Variants in LARGE1 observed in about 807,000 individuals in gnomAD.
LARGE1 encodes LARGE xylosyl- and glucuronyltransferase 1, also known as xylosyl- and glucuronyltransferase LARGE1.
LARGE1 carries 43 observed loss-of-function variants against 87.6 expected under a neutral mutation model. That is an observed-to-expected ratio of 0.49 (90% confidence interval 0.38 to 0.63). LARGE1 has a LOEUF of 0.63. LARGE1 is among the 30% of genes least tolerant of loss of function. LARGE1 has a pLI of 0.00. For synonymous variants in LARGE1, 434 were observed against 394.6 expected (o/e 1.10, Z -1.18); for missense variants, 802 against 1,000.2 (o/e 0.80, Z 2.67).
chr22:33,512,597 G>A (rs2071106898), intron 6 of LARGE1, among the ~76,000 whole-genome samples: 1 of 152,214 alleles, frequency 6.6e-6, no homozygotes, highest in African/African-American at 2.4e-5. Context: ...GAGGTCAGGA[G>A]TTCGAGACCA....
At chr22:33,502,349 G>C (rs908712774) in intron 6 of LARGE1, among the ~76,000 whole-genome samples, 1 of 152,148 alleles carries the variant, frequency 6.6e-6, no homozygotes, top group African/African-American at 2.4e-5. Context: ...GAAAGTTCCA[G>C]TACGAAGGAA....
intron 1 of LARGE1, among the ~76,000 whole-genome samples, chr22:33,818,043 A>C (rs1471857596): frequency 6.6e-6 from 1 of 152,170 alleles, no homozygotes; most frequent in African/African-American, 2.4e-5. Context: ...CAGATCCACA[A>C]CTAATTTAAC....
chr22:33,453,208 A>G (rs973206365), intron 6 of LARGE1, among the ~76,000 whole-genome samples: 1 of 152,266 alleles, frequency 6.6e-6, no homozygotes, highest in African/African-American at 2.4e-5. Context: ...TGAAGTCACG[A>G]GTTCGAGACC....
intron 10 of LARGE1, among the ~76,000 whole-genome samples, chr22:33,334,672 G>T (rs942098198): frequency 1.3e-5 from 2 of 152,176 alleles, no homozygotes; most frequent in Non-Finnish European, 2.9e-5. Flanking sequence ...GGGAGAGAGG[G>T]GAGAGAGACT....
intron 13 of LARGE1, among the ~76,000 whole-genome samples, chr22:33,279,989 A>C (rs1412182619): frequency 2.6e-5 from 4 of 152,226 alleles, no homozygotes; most frequent in Non-Finnish European, 4.4e-5. Context: ...TTTTGTGTCA[A>C]CTGGGGAAAA....
intron 4 of LARGE1, among the ~76,000 whole-genome samples, chr22:33,614,982 C>T (rs1378810540): frequency 6.6e-6 from 1 of 152,224 alleles, no homozygotes; most frequent in East Asian, 1.9e-4. Flanking sequence ...CTTCACCCCG[C>T]TAACTGCGTC....
intron 6 of LARGE1, among the ~76,000 whole-genome samples, chr22:33,506,709 T>C (rs1370994775): frequency 6.6e-6 from 1 of 152,160 alleles, no homozygotes; most frequent in Non-Finnish European, 1.5e-5. Context: ...GAGACCAGCC[T>C]GGCCAATATG....
intron 2 of LARGE1, among the ~76,000 whole-genome samples, chr22:33,722,201 C>T (rs769125544): frequency 2.0e-5 from 3 of 149,864 alleles, no homozygotes; most frequent in Non-Finnish European, 4.4e-5. Flanking sequence ...TGCAATGAGC[C>T]GAGATCACGC....
rs2145800956 is a variant in LARGE1 at position 33,274,469 on chromosome 22, G to A, written c.2229C>T (p.Gly743=). The A allele has an allele frequency of 6.2e-7, 1 of 1,614,222 alleles. No homozygotes were observed. The highest frequency in any genetic ancestry group is 8.5e-7 in the Non-Finnish European group (1 of 1,180,036). ...EFQQDMSRRY[G]FAALKYLTAE... ...CTGTGAGATATTTCAGGGCAGCAAA[G>A]CCGTAGCGGCGGGACATGTCCTGCT... The change falls in exon 15 of 15, where the codon GGC becomes GGT. Residue 743 remains glycine (G), a synonymous_variant. Transcript: ENST00000397394.
chr22:33,552,673 AT>A (rs1164642154), intron 6 of LARGE1, among the ~76,000 whole-genome samples: 1 of 152,230 alleles, frequency 6.6e-6, no homozygotes, highest in Non-Finnish European at 1.5e-5. Flanking sequence ...GCTAATAAAA[AT>A]AATCACAACA....
At chr22:33,268,950 A>T (rs980111859), downstream of LARGE1, among the ~76,000 whole-genome samples, 1 of 152,072 alleles carries the variant, frequency 6.6e-6, no homozygotes, top group Non-Finnish European at 1.5e-5. Flanking sequence ...ACATTAATAA[A>T]CTCAAAAAAT....
At chr22:33,080,416 C>T in the LARGE1 span, among the ~76,000 whole-genome samples, 45 of 152,288 alleles carry the variant, frequency 3.0e-4, no homozygotes, top group African/African-American at 9.6e-4. Context: ...CTGTCTTCAC[C>T]CCAGGATGCA....
At chr22:33,621,030 T>G (rs890255927) in intron 4 of LARGE1, among the ~76,000 whole-genome samples, 2 of 152,244 alleles carry the variant, frequency 1.3e-5, no homozygotes, top group African/African-American at 4.8e-5. Context: ...CCTGTATATG[T>G]GTACATGTCA....
At chr22:33,461,466 A>G (rs1412078422) in intron 6 of LARGE1, among the ~76,000 whole-genome samples, 2 of 151,994 alleles carry the variant, frequency 1.3e-5, no homozygotes, top group Non-Finnish European at 2.9e-5. Flanking sequence ...AAATGTTATG[A>G]CCTTTGGACA....
At chr22:33,149,600 A>T in the LARGE1 span, among the ~76,000 whole-genome samples, 7 of 152,138 alleles carry the variant, frequency 4.6e-5, no homozygotes, top group Admixed American at 1.3e-4. Context: ...TTATTTTTTC[A>T]GTTCTGTAGG....
intron 9 of LARGE1, among the ~76,000 whole-genome samples, chr22:33,360,607 AC>A (rs2064352993): frequency 6.7e-6 from 1 of 148,352 alleles, no homozygotes; most frequent in South Asian, 2.3e-4. Flanking sequence ...ATGAGAAACC[AC>A]CCCCATGATC....
chr22:33,273,793 T>TAAAC lies in LARGE1; in HGVS notation c.*630_*633dup, dbSNP rs112599126. On this transcript the variant is annotated 3_prime_UTR_variant, in exon 15 of 15. Transcript: ENST00000397394. The stretch of plus-strand genomic sequence containing the variant: ...TATTTTGGATTGCCAGCCCCAAAAA[T>TAAAC]AAACAAAACCCCCAAAGAAAAACAA... 6,191 of 397,916 alleles carry TAAAC rather than the reference T, an allele frequency of 0.016. 323 individuals are homozygous for TAAAC. The highest frequency in any genetic ancestry group is 0.12 in the African/African-American group (5,599 of 48,616). The allele number at this position is 397,916 out of a possible 1,614,324, so 24.6% of individuals were successfully genotyped here. A position where few individuals can be genotyped will look rare whatever the true frequency, so the allele number is the denominator to read the frequency against.
In LARGE1 at chr22:33,335,507, C is replaced by G. The variant is rs181542110; in HGVS notation, c.1287+2139G>C. Among the ~76,000 whole-genome samples, 80 of 152,270 alleles carry G rather than the reference C, an allele frequency of 5.3e-4. 2 individuals carry two copies. In the East Asian group the frequency reaches 8.9e-3, roughly 17 times the overall value. On this transcript the variant is annotated intron_variant, in intron 10 of 14. Coordinates refer to ENST00000397394, the MANE Select transcript of LARGE1 (RefSeq NM_133642.5). Reference sequence around the variant, plus strand: ...CTGGTCCTTCCACAGGTGCCCTTCCCTGCCATTGGGAGCCTAAAAGAATTC... The same window carrying G: ...CTGGTCCTTCCACAGGTGCCCTTCCGTGCCATTGGGAGCCTAAAAGAATTC...
chr22:33,693,616 A>G (rs554211182), intron 2 of LARGE1, among the ~76,000 whole-genome samples: 29 of 152,200 alleles, frequency 1.9e-4, no homozygotes, highest in Non-Finnish European at 2.9e-5. Context: ...CAAGGTCAGG[A>G]GTTGGAGACC....
Sources: gnomAD v4.1 joint callset for allele counts (sites outside exome capture counted in the v4.1 genomes callset) on GRCh38, gnomAD v4.1.1 for gene constraint, MANE v1.5 for transcripts, NCBI Gene and HGNC (gene_info 2026-07-23, HGNC 2026-07-21) for gene names.